LIMA1: variants seen among roughly 807,000 people sequenced by gnomAD.
LIMA1 encodes LIM domain and actin-binding protein 1.
A neutral mutation model predicts 62.6 loss-of-function variants in LIMA1; 52 were observed. The observed-to-expected ratio is 0.83, with a 90% CI of 0.67 to 1.05. The LOEUF (loss-of-function observed/expected upper bound fraction) is 1.05. LIMA1 is among the 50% of genes least tolerant of loss of function. The pLI, the probability that LIMA1 is intolerant of heterozygous loss-of-function variation, is 0.00. For missense variants in LIMA1, 780 were observed against 902.2 expected, an observed-to-expected ratio of 0.86 and a Z score of 1.74; for synonymous variants, 302 against 317.8, an observed-to-expected ratio of 0.95 and a Z score of 0.53.
chr12:50,185,788 A>T (rs2138400014), intron 9 of LIMA1: 1 of 228,058 alleles, frequency 4.4e-6, no homozygotes, highest in Admixed American at 5.0e-5. Context: ...TGGAGCAAAA[A>T]GTCTGTCTTC....
intron 6 of LIMA1, among the ~76,000 whole-genome samples, chr12:50,202,874 C>T (rs1296482435): frequency 6.6e-6 from 1 of 151,994 alleles, no homozygotes; most frequent in Non-Finnish European, 1.5e-5. Context: ...ATTAGGACAT[C>T]AAGAGATTAA....
chr12:50,198,775 A>T (rs1277100772), intron 7 of LIMA1, among the ~76,000 whole-genome samples: 1 of 152,226 alleles, frequency 6.6e-6, no homozygotes, highest in Non-Finnish European at 1.5e-5. Context: ...GAAAGACTAA[A>T]AGAATTGGAC....
chr12:50,185,895 C>T (rs1266919682), intron 9 of LIMA1: 1 of 161,218 alleles, frequency 6.2e-6, no homozygotes, highest in Admixed American at 5.9e-5. Context: ...TATTCCTATT[C>T]ATTTCTCACA....
At chr12:50,221,509 TGA>T (rs1456218919) in intron 4 of LIMA1, among the ~76,000 whole-genome samples, 2 of 152,194 alleles carry the variant, frequency 1.3e-5, no homozygotes, top group African/African-American at 4.8e-5. Context: ...TGATTTTGCC[TGA>T]GAGAGGATTT....
At chr12:50,219,934 C>A (rs1340864281) in intron 4 of LIMA1, among the ~76,000 whole-genome samples, 1 of 152,098 alleles carries the variant, frequency 6.6e-6, no homozygotes, top group Non-Finnish European at 1.5e-5. Flanking sequence ...AATCCTCCTG[C>A]CTTGGGCCTC....
chr12:50,187,704 G>A (rs1181304755), intron 9 of LIMA1: 3 of 152,162 alleles, frequency 2.0e-5, no homozygotes. Flanking sequence ...GTACCGAGAG[G>A]GGCAGTGCAG....
At chr12:50,236,578 C>T (rs1186258594) in intron 2 of LIMA1, among the ~76,000 whole-genome samples, 3 of 152,054 alleles carry the variant, frequency 2.0e-5, no homozygotes, top group South Asian at 2.1e-4. Flanking sequence ...GGATTACAGG[C>T]GTGAGCCACC....
In LIMA1 at chr12:50,231,645, TG is replaced by T; in HGVS notation, c.165+19del. On this transcript the variant is annotated intron_variant, in intron 3 of 10. Coordinates refer to ENST00000341247, the MANE Select transcript of LIMA1 (RefSeq NM_016357.5). ...TCTGCTCAAGAAGTGCCACATGCCC[TG>T]GAATTTCTGAATACTTACACTTCTC... is the stretch of plus-strand genomic sequence containing the variant. 1.2e-6 allele frequency: 2 copies of T among 1,612,712 alleles called. No homozygotes were observed. The highest frequency in any genetic ancestry group is 4.5e-5 in the East Asian group (2 of 44,892).
intron 2 of LIMA1, among the ~76,000 whole-genome samples, chr12:50,235,304 A>C (rs995423276): frequency 8.4e-6 from 1 of 119,514 alleles, no homozygotes; most frequent in African/African-American, 3.3e-5. Context: ...TTTGAGAAGG[A>C]GTCCTGCTCA....
chr12:50,237,126 T>C (rs1465034848), intron 2 of LIMA1, among the ~76,000 whole-genome samples: 5 of 152,166 alleles, frequency 3.3e-5, no homozygotes, highest in Non-Finnish European at 5.9e-5. Context: ...ATTTGTCCTA[T>C]AGATACACTA....
intron 3 of LIMA1, among the ~76,000 whole-genome samples, chr12:50,223,627 G>A (rs887629204): frequency 1.1e-4 from 17 of 152,084 alleles, no homozygotes; most frequent in African/African-American, 3.9e-4. Flanking sequence ...ACATATCTAA[G>A]AGAGTTCACT....
At chr12:50,245,412 CAA>C (rs1298537875) in intron 2 of LIMA1, among the ~76,000 whole-genome samples, 70 of 83,632 alleles carry the variant, frequency 8.4e-4, no homozygotes, top group Admixed American at 9.7e-4. Context: ...GACCCTGTCT[CAA>C]AAAAAAAAAA....
At chr12:50,258,237 G>A (rs1469404736) in intron 1 of LIMA1, among the ~76,000 whole-genome samples, 7 of 152,054 alleles carry the variant, frequency 4.6e-5, no homozygotes, top group African/African-American at 1.4e-4. Context: ...GCTTCTAGGC[G>A]TCTTAGTGGA....
chr12:50,250,290 CAAA>C (rs11327744), intron 1 of LIMA1, among the ~76,000 whole-genome samples: 3 of 64,612 alleles, frequency 4.6e-5, no homozygotes, highest in African/African-American at 1.2e-4. Context: ...AACTCCGTTT[CAAA>C]AAAAAAAAAA....
intron 1 of LIMA1, among the ~76,000 whole-genome samples, chr12:50,256,656 G>A (rs1592559547): frequency 6.6e-6 from 1 of 151,974 alleles, no homozygotes. Flanking sequence ...GAAAGTATTG[G>A]TCAGATATTA....
chr12:50,273,770 C>A (rs900210274), intron 1 of LIMA1, among the ~76,000 whole-genome samples: 1 of 152,138 alleles, frequency 6.6e-6, no homozygotes, highest in African/African-American at 2.4e-5. Context: ...TAATGAAAAT[C>A]ATTTCATTTT....
At chr12:50,210,023 T>G (rs1941225675) in intron 4 of LIMA1, among the ~76,000 whole-genome samples, 1 of 152,116 alleles carries the variant, frequency 6.6e-6, no homozygotes, top group Non-Finnish European at 1.5e-5. Flanking sequence ...TAAAGAAAAT[T>G]CCACATATTT....
intron 4 of LIMA1, chr12:50,217,900 CT>C (rs1254123407): frequency 6.6e-6 from 1 of 151,352 alleles, no homozygotes; most frequent in Non-Finnish European, 1.4e-5. Context: ...TGATGAATTT[CT>C]TTTCTTTTTT....
intron 7 of LIMA1, 142 bp downstream of exon 7, chr12:50,200,635 G>C: frequency 2.3e-6 from 2 of 873,516 alleles, no homozygotes; most frequent in Non-Finnish European, 3.7e-6. Flanking sequence ...TATGTGACCT[G>C]CAAAAATGGC....
Sources: gnomAD v4.1 joint callset for allele counts (sites outside exome capture counted in the v4.1 genomes callset) on GRCh38, gnomAD v4.1.1 for gene constraint, MANE v1.5 for transcripts, NCBI Gene and HGNC (gene_info 2026-07-23, HGNC 2026-07-21) for gene names.